Variants in PDE4B observed in about 807,000 individuals in gnomAD.
PDE4B encodes 3',5'-cyclic-AMP phosphodiesterase 4B.
In PDE4B, 20 loss-of-function variants were observed where a neutral mutation model predicts 82.2. The observed-to-expected ratio is 0.24, with a 90% CI of 0.17 to 0.35. PDE4B has a LOEUF of 0.35. Ranked by LOEUF, PDE4B falls within the 10% of genes least tolerant of loss-of-function variation. The probability of loss-of-function intolerance (pLI) is 1.00; values close to 1 mark genes in which losing one functional copy is unlikely to be tolerated. For synonymous variants in PDE4B, 320 were observed against 318.9 expected (o/e 1.00, Z -0.04); for missense variants, 655 against 907.2 (o/e 0.72, Z 3.57).
At chr1:66,167,298 A>G (rs1480232037) in intron 3 of PDE4B, among the ~76,000 whole-genome samples, 2 of 152,254 alleles carry the variant, frequency 1.3e-5, no homozygotes, top group Non-Finnish European at 2.9e-5. Flanking sequence ...AAGTAGAAAC[A>G]ACTCAATGAC....
At chr1:66,004,324 C>A (rs940083250) in intron 3 of PDE4B, among the ~76,000 whole-genome samples, 19 of 152,046 alleles carry the variant, frequency 1.2e-4, no homozygotes, top group Non-Finnish European at 2.9e-5. Flanking sequence ...AAATCAGTTT[C>A]ATTGAGCAAA....
At position 66,361,793 on chromosome 1, in the gene PDE4B, G is replaced by A. The variant is rs143554413; in HGVS notation, c.1020G>A (p.Lys340=). ...CTGAAAATGAAGATCACCTGGCCAA[G>A]GTGTGTATAAGCTCAGGTTTTGTGC... is the stretch of plus-strand genomic sequence containing the variant. The part of the protein sequence containing the change: ...VNTENEDHLA[K]ELEDLNKWGL... The change falls in exon 10 of 17, where the codon AAG becomes AAA. Residue 340 remains lysine (K), a splice_region_variant and synonymous_variant. Transcript: ENST00000341517. The A allele has an allele frequency of 1.2e-6, 2 of 1,610,130 alleles. No individual in the cohort carries two copies. The highest frequency in any genetic ancestry group is 2.7e-5 in the African/African-American group (2 of 74,868).
chr1:66,189,653 G>A (rs1336546408), intron 3 of PDE4B, among the ~76,000 whole-genome samples: 7 of 152,106 alleles, frequency 4.6e-5, no homozygotes, highest in African/African-American at 9.7e-5. Flanking sequence ...CATTCGTCAC[G>A]TAGTTCTCAT....
At chr1:66,141,327 A>AATAT (rs71058454) in intron 3 of PDE4B, among the ~76,000 whole-genome samples, 26,536 of 87,994 alleles carry the variant, frequency 0.3, 4,460 homozygotes, top group African/African-American at 0.4. Context: ...AAGCTTTGAG[A>AATAT]ATATATATAT....
chr1:66,133,307 C>T (rs961380083), intron 3 of PDE4B, among the ~76,000 whole-genome samples: 15 of 152,126 alleles, frequency 9.9e-5, no homozygotes, highest in Non-Finnish European at 1.9e-4. Flanking sequence ...CTTTGGGTAT[C>T]ACCATCAAAC....
chr1:66,247,435 CAG>C (rs746510014), intron 3 of PDE4B, 23 bp from the exon 4 acceptor site: 9 of 1,519,928 alleles, frequency 5.9e-6, no homozygotes, highest in African/African-American at 1.4e-5. Flanking sequence ...ATCATGTGAC[CAG>C]AGTTTCCCAC....
At position 66,247,420 on chromosome 1, in the gene PDE4B, T is replaced by C. The variant is rs577176298; in HGVS notation, c.282-40T>C. 23 of 1,432,322 alleles carry C rather than the reference T, an allele frequency of 1.6e-5. No homozygotes were observed. The African/African-American group carries it at 2.3e-4, about 14-fold the overall frequency. 88.7% of individuals were successfully genotyped at this position (1,432,322 alleles called of 1,614,324 possible). A position where few individuals can be genotyped will look rare whatever the true frequency, so the allele number is the denominator to read the frequency against. On this transcript the variant is annotated intron_variant, in intron 3 of 16. Coordinates refer to ENST00000341517, the MANE Select transcript of PDE4B (RefSeq NM_002600.4). ...AGTGTATACTATGTGTCCTCCTCCA[T>C]GGTTATCATGTGACCAGAGTTTCCC...
chr1:65,999,546 A>T (rs1651747708), intron 3 of PDE4B, among the ~76,000 whole-genome samples: 1 of 152,200 alleles, frequency 6.6e-6, no homozygotes, highest in Admixed American at 6.5e-5. Context: ...TACTATCTCC[A>T]GGTATCACTA....
intron 7 of PDE4B, among the ~76,000 whole-genome samples, chr1:66,279,092 C>CA (rs1307555350): frequency 3.3e-5 from 5 of 152,098 alleles, no homozygotes; most frequent in African/African-American, 1.2e-4. Flanking sequence ...TTCACACTTC[C>CA]AAACCATTTT....
chr1:66,271,028 A>AT (rs1655435925), intron 7 of PDE4B, among the ~76,000 whole-genome samples: 1 of 152,260 alleles, frequency 6.6e-6, no homozygotes, highest in Admixed American at 6.5e-5. Context: ...TTTGTCTAAA[A>AT]TAGCCCTCTT....
At chr1:65,913,387 G>A in intron 2 of PDE4B, 31 bp downstream of exon 2, 1 of 1,608,326 alleles carries the variant, frequency 6.2e-7, no homozygotes, top group Non-Finnish European at 8.5e-7. Flanking sequence ...ATCATGTTTG[G>A]TCTGTTCAAT....
At chr1:66,188,407 G>A (rs545464510) in intron 3 of PDE4B, among the ~76,000 whole-genome samples, 5 of 151,888 alleles carry the variant, frequency 3.3e-5, no homozygotes, top group East Asian at 1.9e-4. Flanking sequence ...TTTCTGTCTC[G>A]TTGATCTGTC....
chr1:66,338,505 G>A (rs1185229441), intron 8 of PDE4B, among the ~76,000 whole-genome samples: 4 of 152,182 alleles, frequency 2.6e-5, no homozygotes, highest in Admixed American at 1.3e-4. Flanking sequence ...AAGAGCAATC[G>A]CAATTATAGA....
At chr1:65,796,712 T>A (rs1043745750) in intron 1 of PDE4B, among the ~76,000 whole-genome samples, 6 of 145,548 alleles carry the variant, frequency 4.1e-5, no homozygotes, top group South Asian at 4.4e-4. Flanking sequence ...TGCAGTGGCA[T>A]GATCTTGGCT....
At chr1:65,969,661 G>A (rs1650028281) in intron 3 of PDE4B, among the ~76,000 whole-genome samples, 2 of 152,074 alleles carry the variant, frequency 1.3e-5, no homozygotes, top group African/African-American at 4.8e-5. Context: ...TTAGATTTGT[G>A]ACAATATTTG....
chr1:66,105,809 A>T (rs1251798454), intron 3 of PDE4B, among the ~76,000 whole-genome samples: 1 of 151,944 alleles, frequency 6.6e-6, no homozygotes, highest in African/African-American at 2.4e-5. Context: ...GACTTTGCTG[A>T]AGTTGCTTAT....
chr1:66,105,421 G>A (rs913245309), intron 3 of PDE4B, among the ~76,000 whole-genome samples: 31 of 151,848 alleles, frequency 2.0e-4, no homozygotes, highest in Admixed American at 1.6e-3. Flanking sequence ...TTGGCGATGC[G>A]GGCTCTTTTT....
intron 3 of PDE4B, among the ~76,000 whole-genome samples, chr1:66,185,204 T>C (rs1363226753): frequency 6.6e-6 from 1 of 152,238 alleles, no homozygotes; most frequent in East Asian, 1.9e-4. Context: ...TATTACATGG[T>C]GTATATGTGC....
At chr1:66,150,714 T>A (rs1217664814) in intron 3 of PDE4B, among the ~76,000 whole-genome samples, 2 of 152,214 alleles carry the variant, frequency 1.3e-5, no homozygotes, top group Non-Finnish European at 2.9e-5. Flanking sequence ...TTCCATTATA[T>A]CCCTACTTTG....
Sources: gnomAD v4.1 joint callset for allele counts (sites outside exome capture counted in the v4.1 genomes callset) on GRCh38, gnomAD v4.1.1 for gene constraint, MANE v1.5 for transcripts, NCBI Gene and HGNC (gene_info 2026-07-23, HGNC 2026-07-21) for gene names.